Variants in CUX2 observed in about 807,000 individuals in gnomAD.
CUX2 encodes the protein homeobox protein cut-like 2.
In CUX2, 40 loss-of-function variants were observed where a neutral mutation model predicts 144.8. The observed-to-expected ratio is 0.28, with a 90% CI of 0.21 to 0.36. The LOEUF is 0.36. Ranked by LOEUF, CUX2 falls within the 10% of genes least tolerant of loss-of-function variation. The probability of loss-of-function intolerance (pLI) is 1.00; values close to 1 mark genes in which losing one functional copy is unlikely to be tolerated. For synonymous variants in CUX2, 827 were observed against 875.6 expected (o/e 0.94, Z 0.98); for missense variants, 1,615 against 1,994.0 (o/e 0.81, Z 3.62).
chr12:111,308,519 C>G lies in CUX2; in HGVS notation c.1251C>G (p.Ala417=). ...TTCTGGAGAAGCCCAGCCTCCTGGC[C>G]AGCCCTGGTAGGGGAGGAGGATACT... ...KFLLEKPSLL[A]SPEEDPSEDD... Residue 417 remains alanine, a synonymous_variant, in exon 14 of 22, where the codon GCC becomes GCG. Coordinates refer to ENST00000261726, the MANE Select transcript of CUX2 (RefSeq NM_015267.4). 1 of 1,610,292 alleles carries G rather than the reference C, an allele frequency of 6.2e-7. No homozygotes were observed. Among genetic ancestry groups the G allele is most frequent in the Non-Finnish European group, 8.5e-7 (1 of 1,178,368 alleles).
chr12:111,303,403 A>G (rs1328347278), intron 9 of CUX2, among the ~76,000 whole-genome samples: 1 of 151,934 alleles, frequency 6.6e-6, no homozygotes, highest in Admixed American at 6.6e-5. Flanking sequence ...TGGGAGGCTG[A>G]AGCGGGTGGA....
At chr12:111,108,196 T>C (rs1297617023) in intron 1 of CUX2, among the ~76,000 whole-genome samples, 1 of 152,188 alleles carries the variant, frequency 6.6e-6, no homozygotes, top group Non-Finnish European at 1.5e-5. Context: ...AGGTTGTGCA[T>C]TTTGGGCTAC....
chr12:111,034,232 C>T lies in CUX2; in HGVS notation c.55C>T (p.Arg19Ter). 7.2e-7 allele frequency: 1 copy of T among 1,394,906 alleles called. No individual in the cohort carries two copies. The highest frequency in any genetic ancestry group is 9.6e-7 in the Non-Finnish European group (1 of 1,045,070). The allele number at this position is 1,394,906 out of a possible 1,614,324, so 86.4% of individuals were successfully genotyped here. A position where few individuals can be genotyped will look rare whatever the true frequency, so the allele number is the denominator to read the frequency against. The change falls in exon 1 of 22, where the codon CGA becomes TGA. Residue 19 changes from arginine (R) to a stop codon, truncating the protein, a stop_gained. Transcript: ENST00000261726. LOFTEE classifies it high-confidence loss of function. The surrounding 1 kb of genome is among the most constrained non-coding windows in gnomAD (Gnocchi z 4.2). ...FQYWKRFDLR[R>*]LQKELNSVAS... ...ATATTGGAAGCGATTTGATCTACGG[C>T]GACTCCAGGTTAGTGCGGGCAGCGC...
intron 14 of CUX2, among the ~76,000 whole-genome samples, chr12:111,309,678 C>T (rs1241005991): frequency 6.6e-6 from 1 of 150,430 alleles, no homozygotes; most frequent in Non-Finnish European, 1.5e-5. Flanking sequence ...TGTCTCTTCC[C>T]CCCCGACCCT....
chr12:111,323,605 A>C (rs1354254973), intron 18 of CUX2, among the ~76,000 whole-genome samples: 1 of 151,362 alleles, frequency 6.6e-6, no homozygotes, highest in African/African-American at 2.4e-5. Flanking sequence ...CAGCCTGGGC[A>C]ATAGAGGGAG....
At chr12:111,142,690 G>A (rs898373012) in intron 1 of CUX2, among the ~76,000 whole-genome samples, 1 of 152,148 alleles carries the variant, frequency 6.6e-6, no homozygotes, top group Non-Finnish European at 1.5e-5. Context: ...AAAACTGACA[G>A]CAGCCGTTTC....
chr12:111,283,461 A>C (rs1671471489), intron 4 of CUX2, among the ~76,000 whole-genome samples: 1 of 152,196 alleles, frequency 6.6e-6, no homozygotes, highest in South Asian at 2.1e-4. Context: ...CACAGCTGCC[A>C]CGAGTCATAA....
chr12:111,060,018 C>T (rs941958113), intron 1 of CUX2, among the ~76,000 whole-genome samples: 1 of 152,078 alleles, frequency 6.6e-6, no homozygotes, highest in Non-Finnish European at 1.5e-5. Flanking sequence ...GTGGCAGTGT[C>T]CTTTGTTGAT....
At position 111,163,426 on chromosome 12, in the gene CUX2, C is replaced by T. The variant is rs564996442; in HGVS notation, c.64-50774C>T. ...ATGTGGTTGTGCTCCAGTAAAACTT[C>T]GCTGTGACTTATATATGAGCCTGGG... is the stretch of plus-strand genomic sequence containing the variant. On this transcript the variant is annotated intron_variant, in intron 1 of 21. Transcript: ENST00000261726. Among the ~76,000 whole-genome samples the T allele has an allele frequency of 1.1e-4, 16 of 152,294 alleles. No homozygotes were observed. In the East Asian group the frequency reaches 1.2e-3, roughly 11 times the overall value.
rs1877681742 is a variant in CUX2 at position 111,160,439 on chromosome 12, T to G, written c.64-53761T>G. 6.6e-6 allele frequency among the ~76,000 whole-genome samples: 1 copy of G among 152,074 alleles called. No individual in the cohort carries two copies. Among genetic ancestry groups the G allele is most frequent in the African/African-American group, 2.4e-5 (1 of 41,394 alleles). ...GTGTAGTGCAGGGTGTGTGTGAGTG[T>G]GTCTGAGCCTTCATCTCTGTGCCTG... On this transcript the variant is annotated intron_variant, in intron 1 of 21. Coordinates refer to ENST00000261726, the MANE Select transcript of CUX2 (RefSeq NM_015267.4). This position sits in a 1 kb window ranked among gnomAD's most constrained non-coding sequence, Gnocchi z 4.1.
chr12:111,156,918 G>A (rs918333439), intron 1 of CUX2, among the ~76,000 whole-genome samples: 2 of 142,166 alleles, frequency 1.4e-5, no homozygotes, highest in East Asian at 4.5e-4. Flanking sequence ...TCCAGGAGAC[G>A]GAGACTGCAG....
rs536903467 is a variant in CUX2, at chr12:111,240,829, G to C, written c.222+22892G>C. On this transcript the variant is annotated intron_variant, in intron 3 of 21. Coordinates refer to ENST00000261726, the MANE Select transcript of CUX2 (RefSeq NM_015267.4). ...GTTTTTGCTCTCTGGAGGAATGGTG[G>C]AGTGATTCTCAGCAAACAGAAATGT... 3.9e-4 allele frequency among the ~76,000 whole-genome samples: 59 copies of C among 152,272 alleles called. No homozygotes were observed. In the South Asian group the frequency reaches 4.1e-3, roughly 11 times the overall value.
At chr12:111,106,775 A>G (rs779011014) in intron 1 of CUX2, among the ~76,000 whole-genome samples, 7 of 152,230 alleles carry the variant, frequency 4.6e-5, no homozygotes, top group Admixed American at 6.5e-5. Context: ...TTTCTGTTTC[A>G]GGAATTCATA....
chr12:111,259,753 C>T (rs913983150), intron 3 of CUX2, among the ~76,000 whole-genome samples: 6 of 146,798 alleles, frequency 4.1e-5, no homozygotes, highest in Non-Finnish European at 7.4e-5. Flanking sequence ...ATTGCAGCTA[C>T]TCTGCACTCC....
intron 3 of CUX2, among the ~76,000 whole-genome samples, chr12:111,230,013 CAAAAA>C (rs532647802): frequency 1.3e-5 from 1 of 77,982 alleles, no homozygotes; most frequent in African/African-American, 4.6e-5. Context: ...GACCCTGTCT[CAAAAA>C]AAAAAAAAAA....
At chr12:111,228,911 T>G (rs1882319610) in intron 3 of CUX2, among the ~76,000 whole-genome samples, 1 of 152,150 alleles carries the variant, frequency 6.6e-6, no homozygotes, top group Non-Finnish European at 1.5e-5. Flanking sequence ...AAATGGTCCT[T>G]GCAAGCCACT....
At chr12:111,118,210 A>G (rs538912099) in intron 1 of CUX2, among the ~76,000 whole-genome samples, 2 of 152,334 alleles carry the variant, frequency 1.3e-5, no homozygotes, top group Admixed American at 1.3e-4. Flanking sequence ...TTCAAAGGTA[A>G]GTTACATAAA....
intron 1 of CUX2, among the ~76,000 whole-genome samples, chr12:111,052,444 T>G (rs11832477): frequency 1.3e-5 from 2 of 151,834 alleles, no homozygotes; most frequent in African/African-American, 4.8e-5. Context: ...ATCAGTCAAA[T>G]GAACAAACAG....
At position 111,081,714 on chromosome 12, in the gene CUX2, C is replaced by T. The variant is rs115796955; in HGVS notation, c.63+47474C>T. On this transcript the variant is annotated intron_variant, in intron 1 of 21. Transcript: ENST00000261726. ...AATAAGGAGTGATTTCTGGATGCAG[C>T]GGGAATTGGTGCTGTGGTGGTGACC... 5.5e-3 allele frequency among the ~76,000 whole-genome samples: 833 copies of T among 152,302 alleles called. 12 individuals carry two copies. Among genetic ancestry groups the T allele is most frequent in the African/African-American group, 0.019 (784 of 41,552 alleles).
Sources: allele counts gnomAD v4.1 joint callset (sites outside exome capture counted in the v4.1 genomes callset), GRCh38; gene constraint gnomAD v4.1.1; non-coding constraint Gnocchi (gnomAD v3.1); transcripts MANE v1.5; gene names NCBI Gene and HGNC (gene_info 2026-07-23, HGNC 2026-07-21).